The following SMIM36 variants were observed in gnomAD, a reference collection of about 807,000 sequenced individuals.
SMIM36 encodes small integral membrane protein 36.
chr17:55,507,971 G>A (rs1910108428), intron 1 of SMIM36, among the ~76,000 whole-genome samples: 1 of 152,132 alleles, frequency 6.6e-6, no homozygotes, highest in Admixed American at 6.5e-5. Context: ...AGGCACTGGA[G>A]AAACCCTGGG....
chr17:55,490,121 C>T (rs1909677622), intron 1 of SMIM36, among the ~76,000 whole-genome samples: 1 of 151,976 alleles, frequency 6.6e-6, no homozygotes, highest in South Asian at 2.1e-4. Flanking sequence ...TCCCAAAGTG[C>T]TCGGATTATA....
At chr17:55,531,115 A>G in the SMIM36 span, among the ~76,000 whole-genome samples, 85 of 152,292 alleles carry the variant, frequency 5.6e-4, no homozygotes, top group Non-Finnish European at 8.4e-4. Flanking sequence ...TCCTATCATT[A>G]TCAACTTTCA....
At chr17:55,484,909 A>G (rs1247076546) in intron 1 of SMIM36, among the ~76,000 whole-genome samples, 1 of 150,608 alleles carries the variant, frequency 6.6e-6, no homozygotes, top group Admixed American at 6.7e-5. Context: ...AAGGAGAGTT[A>G]AGAAATATTA....
intron 1 of SMIM36, among the ~76,000 whole-genome samples, chr17:55,502,894 TGAAAACCAAGGCTC>T (rs1373139445): frequency 7.2e-6 from 1 of 138,790 alleles, no homozygotes; most frequent in East Asian, 2.1e-4. Flanking sequence ...CTGATGGAGC[TGAAAACCAAGGCTC>T]GAGAACTACG....
intron 4 of SMIM36, among the ~76,000 whole-genome samples, chr17:55,461,583 C>T (rs570264279): frequency 6.4e-4 from 98 of 152,058 alleles, no homozygotes; most frequent in African/African-American, 2.3e-3. Flanking sequence ...GCCTGGACAA[C>T]AGAGTGAAAC....
chr17:55,461,831 T>C (rs1485743572), intron 4 of SMIM36, among the ~76,000 whole-genome samples: 1 of 152,174 alleles, frequency 6.6e-6, no homozygotes, highest in Non-Finnish European at 1.5e-5. Context: ...ATGAGTTAAA[T>C]GTCTCCTTGA....
chr17:55,515,084 G>GTTTTTTTTTTTTTTTTTT (rs1567874075), upstream of SMIM36, among the ~76,000 whole-genome samples: 16 of 56,104 alleles, frequency 2.9e-4, 7 homozygotes, highest in Non-Finnish European at 4.3e-4. Flanking sequence ...TTCTAGTCTA[G>GTTTTTTTTTTTTTTTTTT]TGTTTTTTTT....
At chr17:55,528,555 CTTTT>C in the SMIM36 span, among the ~76,000 whole-genome samples, 1 of 139,464 alleles carries the variant, frequency 7.2e-6, no homozygotes, top group Admixed American at 7.2e-5. Flanking sequence ...CTTTTCTTTT[CTTTT>C]TTTTTTTTTT....
intron 1 of SMIM36, among the ~76,000 whole-genome samples, chr17:55,481,782 C>A (rs568779208): frequency 3.3e-5 from 5 of 152,242 alleles, no homozygotes; most frequent in African/African-American, 1.2e-4. Flanking sequence ...CAGCCTCAAC[C>A]TCCTGGGCTT....
At chr17:55,516,218 T>A (rs1910274584), upstream of SMIM36, among the ~76,000 whole-genome samples, 1 of 152,222 alleles carries the variant, frequency 6.6e-6, no homozygotes, top group South Asian at 2.1e-4. Context: ...AGGGATAATA[T>A]TTTTAAGATG....
chr17:55,528,534 T>C, the SMIM36 span, among the ~76,000 whole-genome samples: 3 of 150,954 alleles, frequency 2.0e-5, no homozygotes, highest in African/African-American at 7.3e-5. Flanking sequence ...TTCAAGGAAG[T>C]CTTTTTTTTT....
intron 3 of SMIM36, among the ~76,000 whole-genome samples, chr17:55,467,883 C>T (rs1909269898): frequency 6.6e-6 from 1 of 152,152 alleles, no homozygotes; most frequent in Admixed American, 6.5e-5. Flanking sequence ...TGACATTCCA[C>T]TGTTGTGATT....
chr17:55,484,184 AATTG>A (rs1242803127), intron 1 of SMIM36, among the ~76,000 whole-genome samples: 1 of 152,232 alleles, frequency 6.6e-6, no homozygotes, highest in African/African-American at 2.4e-5. Context: ...AAAATTAATA[AATTG>A]GACACTACTT....
At chr17:55,470,044 T>C (rs548615393) in intron 3 of SMIM36, among the ~76,000 whole-genome samples, 1 of 151,958 alleles carries the variant, frequency 6.6e-6, no homozygotes, top group South Asian at 2.1e-4. Flanking sequence ...CAGGCGTTCC[T>C]CCAGGACCTC....
chr17:55,501,376 A>T (rs1231469160), intron 1 of SMIM36, among the ~76,000 whole-genome samples: 6 of 72,994 alleles, frequency 8.2e-5, no homozygotes, highest in South Asian at 3.9e-4. Context: ...TATATTATAT[A>T]TTATAGAATA....
intron 3 of SMIM36, among the ~76,000 whole-genome samples, chr17:55,473,657 C>G (rs4793796): frequency 6.6e-6 from 1 of 151,856 alleles, no homozygotes; most frequent in East Asian, 1.9e-4. Flanking sequence ...CTCCAACTTA[C>G]AAAGGATTGG....
At chr17:55,516,539 A>G in the SMIM36 span, among the ~76,000 whole-genome samples, 1 of 148,612 alleles carries the variant, frequency 6.7e-6, no homozygotes, top group Non-Finnish European at 1.5e-5. Flanking sequence ...AAAGTGAGGA[A>G]TGTGAACAGT....
At chr17:55,494,221 A>C (rs1203740075) in intron 1 of SMIM36, among the ~76,000 whole-genome samples, 3 of 152,150 alleles carry the variant, frequency 2.0e-5, no homozygotes, top group African/African-American at 7.2e-5. Context: ...TAGATGTACG[A>C]GACACGCACT....
chr17:55,471,653 C>T (rs1909343125), intron 3 of SMIM36, among the ~76,000 whole-genome samples: 1 of 152,208 alleles, frequency 6.6e-6, no homozygotes, highest in Admixed American at 6.5e-5. Flanking sequence ...TAAGTCTTTT[C>T]CCAATTCTTC....
Sources: allele counts gnomAD v4.1 joint callset (sites outside exome capture counted in the v4.1 genomes callset), GRCh38; gene constraint gnomAD v4.1.1; transcripts MANE v1.5; gene names NCBI Gene and HGNC (gene_info 2026-07-23, HGNC 2026-07-21).